NUS1: variants seen among roughly 807,000 people sequenced by gnomAD.
The protein encoded by NUS1 is NUS1 dehydrodolichyl diphosphate synthase subunit.
For synonymous variants in NUS1, 135 were observed against 155.2 expected (o/e 0.87, Z 0.97); for missense variants, 292 against 382.9 (o/e 0.76, Z 1.98).
intron 1 of NUS1, among the ~76,000 whole-genome samples, chr6:117,688,093 T>C (rs1023443305): frequency 6.6e-6 from 1 of 152,162 alleles, no homozygotes; most frequent in Non-Finnish European, 1.5e-5. Flanking sequence ...CACAGTGATA[T>C]GCACCTGTAG....
intron 4 of NUS1, among the ~76,000 whole-genome samples, chr6:117,705,015 T>A (rs1427835950): frequency 1.3e-5 from 2 of 152,056 alleles, no homozygotes; most frequent in Non-Finnish European, 2.9e-5. Context: ...CTCTCCAAGA[T>A]GTATGAAGGG....
intron 3 of NUS1, 99 bp downstream of exon 3, chr6:117,694,279 T>C: frequency 3.3e-6 from 2 of 607,224 alleles, no homozygotes; most frequent in East Asian, 3.5e-5. Flanking sequence ...ATATTTTTGT[T>C]TCTTTCACAC....
rs41291928 is a variant in NUS1 at position 117,693,958 on chromosome 6, T to C, written c.542-73T>C. 0.029 allele frequency: 44,475 copies of C among 1,520,522 alleles called. 720 individuals carry two copies. The highest frequency in any genetic ancestry group is 0.044 in the Admixed American group (2,061 of 46,940). The allele number at this position is 1,520,522 out of a possible 1,614,324, so 94.2% of individuals were successfully genotyped here. On this transcript the variant is annotated intron_variant, in intron 2 of 4. Transcript: ENST00000368494. ...ATGTTTATTTTGGTTTAACCTTGTA[T>C]TTCTTAAAACTGCTTTTGAAATATA...
At chr6:117,693,707 A>T (rs1773276745) in intron 2 of NUS1, among the ~76,000 whole-genome samples, 1 of 152,156 alleles carries the variant, frequency 6.6e-6, no homozygotes, top group South Asian at 2.1e-4. Context: ...TATACAGGAA[A>T]TTTTAGATGC....
intron 3 of NUS1, among the ~76,000 whole-genome samples, chr6:117,701,248 T>A (rs1269368456): frequency 8.9e-5 from 13 of 145,266 alleles, no homozygotes; most frequent in African/African-American, 3.3e-4. Context: ...TAATTTTCTT[T>A]TTTTTTTTTT....
At position 117,707,209 on chromosome 6, in the gene NUS1, G is replaced by A. The variant is rs1331134230; in HGVS notation, c.*194G>A. On this transcript the variant is annotated 3_prime_UTR_variant, in exon 5 of 5. Transcript: ENST00000368494. ...CGTGTGCACGTGCACACATGTGCAC[G>A]TTTGTATGTATGGAAATAAACTTAT... 1.2e-4 allele frequency: 60 copies of A among 518,866 alleles called. No individual in the cohort carries two copies. Among genetic ancestry groups the A allele is most frequent in the Admixed American group, 3.8e-4 (12 of 31,924 alleles). 32.1% of individuals were successfully genotyped at this position (518,866 alleles called of 1,614,324 possible). A position where few individuals can be genotyped will look rare whatever the true frequency, so the allele number is the denominator to read the frequency against.
chr6:117,682,988 A>G (rs1397192361), intron 1 of NUS1, among the ~76,000 whole-genome samples: 1 of 152,200 alleles, frequency 6.6e-6, no homozygotes, highest in Admixed American at 6.5e-5. Flanking sequence ...ACTAGTGTAC[A>G]TGTTCATCCT....
intron 1 of NUS1, among the ~76,000 whole-genome samples, chr6:117,678,354 T>TG (rs1181870078): frequency 6.6e-6 from 1 of 152,204 alleles, no homozygotes; most frequent in African/African-American, 2.4e-5. Flanking sequence ...AGGTGACAGT[T>TG]GGGGTCTGTT....
intron 3 of NUS1, among the ~76,000 whole-genome samples, chr6:117,695,193 C>CA (rs58136219): frequency 0.028 from 1,562 of 55,256 alleles, 134 homozygotes; most frequent in African/African-American, 0.034. Flanking sequence ...GACCCTGTCT[C>CA]AAAAAAAAAA....
chr6:117,706,749 C>G (rs1773506769), intron 4 of NUS1, among the ~76,000 whole-genome samples, 176 bp from the exon 5 acceptor site: 1 of 152,116 alleles, frequency 6.6e-6, no homozygotes, highest in Non-Finnish European at 1.5e-5. Context: ...CAGGGCCCCA[C>G]CCTTTCAGTC....
intron 1 of NUS1, among the ~76,000 whole-genome samples, chr6:117,686,225 A>G (rs1014557041): frequency 2.0e-5 from 3 of 151,798 alleles, no homozygotes; most frequent in African/African-American, 7.3e-5. Context: ...GCGCCACTGC[A>G]CTCCAGCCTG....
At chr6:117,688,646 C>T (rs764704829) in intron 1 of NUS1, among the ~76,000 whole-genome samples, 9 of 152,078 alleles carry the variant, frequency 5.9e-5, no homozygotes, top group Non-Finnish European at 1.2e-4. Context: ...TATAAGTGTT[C>T]CGAGAGCTAG....
At chr6:117,676,777 A>G (rs938359943) in intron 1 of NUS1, among the ~76,000 whole-genome samples, 1 of 152,180 alleles carries the variant, frequency 6.6e-6, no homozygotes, top group Non-Finnish European at 1.5e-5. Context: ...CTTTTTCACA[A>G]TCTTTGCCTT....
At chr6:117,677,445 T>A (rs998551502) in intron 1 of NUS1, among the ~76,000 whole-genome samples, 2 of 152,178 alleles carry the variant, frequency 1.3e-5, no homozygotes, top group African/African-American at 4.8e-5. Context: ...GCATTGGAAT[T>A]TCTTTAAAGA....
chr6:117,700,799 G>A lies in NUS1; in HGVS notation c.692-2806G>A, dbSNP rs1037187568. ...TAAAAAGAACAAGATCCTGTCATTT[G>A]CAGCAACACGGATGAAACTGGAGGC... On this transcript the variant is annotated intron_variant, in intron 3 of 4. Coordinates refer to ENST00000368494, the MANE Select transcript of NUS1 (RefSeq NM_138459.5). Among the ~76,000 whole-genome samples, 7 of 152,278 alleles carry A rather than the reference G, an allele frequency of 4.6e-5. No individual in the cohort carries two copies. In the South Asian group the frequency reaches 1.2e-3, roughly 27 times the overall value.
chr6:117,709,924 G>GA lies in NUS1; in HGVS notation c.*2909_*2910insA, dbSNP rs1201105559. 6.6e-6 allele frequency: 1 copy of GA among 152,306 alleles called. No homozygotes were observed. The highest frequency in any genetic ancestry group is 2.4e-5 in the African/African-American group (1 of 41,386). The allele number at this position is 152,306 out of a possible 1,614,324, so 9.4% of individuals were successfully genotyped here. On this transcript the variant is annotated 3_prime_UTR_variant, in exon 5 of 5. Coordinates refer to ENST00000368494, the MANE Select transcript of NUS1 (RefSeq NM_138459.5). The stretch of plus-strand genomic sequence containing the variant: ...ATAGCAATAGTGTTTTTTTTAGATG[G>GA]TATGCTCTTGATTGAAATATATTCT...
At chr6:117,705,119 T>C (rs900404472) in intron 4 of NUS1, among the ~76,000 whole-genome samples, 8 of 152,176 alleles carry the variant, frequency 5.3e-5, no homozygotes, top group Non-Finnish European at 1.2e-4. Context: ...AATCATCTGG[T>C]CCCACCTTCT....
At chr6:117,705,799 G>A (rs1206674469) in intron 4 of NUS1, among the ~76,000 whole-genome samples, 1 of 152,104 alleles carries the variant, frequency 6.6e-6, no homozygotes, top group East Asian at 1.9e-4. Flanking sequence ...GCAAGCTTTA[G>A]CAAGAATAAT....
At chr6:117,699,449 A>C (rs1254519696) in intron 3 of NUS1, among the ~76,000 whole-genome samples, 1 of 152,186 alleles carries the variant, frequency 6.6e-6, no homozygotes, top group African/African-American at 2.4e-5. Context: ...AAAGATCTCT[A>C]CAATGAATAC....
Sources: gnomAD v4.1 joint callset for allele counts (sites outside exome capture counted in the v4.1 genomes callset) on GRCh38, gnomAD v4.1.1 for gene constraint, MANE v1.5 for transcripts, NCBI Gene and HGNC (gene_info 2026-07-23, HGNC 2026-07-21) for gene names.